The following CCSER2 variants were observed in gnomAD, a reference collection of about 807,000 sequenced individuals.
CCSER2 encodes the protein serine-rich coiled-coil domain-containing protein 2.
CCSER2 carries 46 observed loss-of-function variants against 92.3 expected under a neutral mutation model. The observed-to-expected ratio is 0.50, with a 90% CI of 0.39 to 0.64. The LOEUF (loss-of-function observed/expected upper bound fraction) is 0.64, where lower values mean the gene tolerates loss of function less well. Ranked by LOEUF, CCSER2 falls within the 30% of genes least tolerant of loss-of-function variation. The pLI, the probability that CCSER2 is intolerant of heterozygous loss-of-function variation, is 0.00. For synonymous variants in CCSER2, 433 were observed against 431.4 expected, an observed-to-expected ratio of 1.00 and a Z score of -0.04; for missense variants, 1,244 against 1,238.9, an observed-to-expected ratio of 1.00 and a Z score of -0.06.
chr10:84,451,263 T>TG (rs1845270892), intron 6 of CCSER2, among the ~76,000 whole-genome samples: 2 of 150,578 alleles, frequency 1.3e-5, no homozygotes, highest in East Asian at 3.9e-4. Flanking sequence ...GGTTTTTTTT[T>TG]TTTGTTTTTT....
At chr10:84,481,869 C>T (rs757110926) in intron 9 of CCSER2, among the ~76,000 whole-genome samples, 1 of 151,964 alleles carries the variant, frequency 6.6e-6, no homozygotes, top group African/African-American at 2.4e-5. Flanking sequence ...TACTCTAGAG[C>T]GGCACAGTCC....
intron 9 of CCSER2, among the ~76,000 whole-genome samples, chr10:84,488,840 A>G (rs1288193336): frequency 2.0e-5 from 3 of 152,040 alleles, no homozygotes; most frequent in Non-Finnish European, 2.9e-5. Context: ...TAGGGTGTCA[A>G]TTTTAGATCT....
intron 1 of CCSER2, among the ~76,000 whole-genome samples, chr10:84,335,629 A>G (rs140755590): frequency 7.5e-4 from 114 of 152,206 alleles, no homozygotes; most frequent in Middle Eastern, 3.4e-3. Context: ...CCCCATGTCA[A>G]GATTGCAAAA....
At chr10:84,430,111 G>T (rs977948484) in intron 5 of CCSER2, among the ~76,000 whole-genome samples, 14 of 152,038 alleles carry the variant, frequency 9.2e-5, no homozygotes, top group Admixed American at 5.2e-4. Context: ...TCCACCAGGG[G>T]GCTCTGTGTG....
chr10:84,493,837 A>C (rs1205241795), intron 9 of CCSER2, among the ~76,000 whole-genome samples: 1 of 152,224 alleles, frequency 6.6e-6, no homozygotes, highest in Non-Finnish European at 1.5e-5. Flanking sequence ...ATATATAATG[A>C]AATAATTATA....
chr10:84,383,967 T>C (rs1841054397), intron 3 of CCSER2, among the ~76,000 whole-genome samples: 1 of 152,170 alleles, frequency 6.6e-6, no homozygotes, highest in Admixed American at 6.5e-5. Flanking sequence ...ATTTTACAAC[T>C]GATGCCATGG....
At chr10:84,442,550 A>C (rs926213964) in intron 6 of CCSER2, among the ~76,000 whole-genome samples, 1 of 152,214 alleles carries the variant, frequency 6.6e-6, no homozygotes, top group Non-Finnish European at 1.5e-5. Context: ...TGATTCCTGG[A>C]TGGTAAGAAT....
chr10:84,455,800 CT>C, intron 6 of CCSER2: 1 of 1,066,730 alleles, frequency 9.4e-7, no homozygotes, highest in Non-Finnish European at 1.5e-6. Flanking sequence ...TTTTCACAGA[CT>C]TATCTGACTG....
At chr10:84,499,746 A>G (rs1245177527) in intron 9 of CCSER2, 1 of 761,912 alleles carries the variant, frequency 1.3e-6, no homozygotes, top group African/African-American at 1.7e-5. Flanking sequence ...TTTTAAAAAA[A>G]TGAAATCTGT....
chr10:84,328,707 G>T lies in CCSER2; in HGVS notation c.-141G>T, dbSNP rs1487420642. ...CTCGGGCGGCGGGGCTGGCGGGGAT[G>T]TGACGGGCGGCCCTTCGTCTCACCT... On this transcript the variant is annotated 5_prime_UTR_variant, in exon 1 of 10. The change abolishes an upstream ATG in the 5' untranslated region. Coordinates refer to ENST00000372088, the MANE Select transcript of CCSER2 (RefSeq NM_001284240.2). 2.6e-5 allele frequency: 4 copies of T among 151,212 alleles called. No homozygotes were observed. The highest frequency in any genetic ancestry group is 5.9e-5 in the Non-Finnish European group (4 of 67,448). 9.4% of individuals were successfully genotyped at this position (151,212 alleles called of 1,614,324 possible). A position where few individuals can be genotyped will look rare whatever the true frequency, so the allele number is the denominator to read the frequency against.
chr10:84,337,173 A>G (rs1226450440), intron 1 of CCSER2, among the ~76,000 whole-genome samples: 1 of 152,240 alleles, frequency 6.6e-6, no homozygotes, highest in Non-Finnish European at 1.5e-5. Flanking sequence ...GAGAGATAGT[A>G]TGTAATGCCT....
chr10:84,418,247 A>G (rs1842973012), intron 4 of CCSER2, among the ~76,000 whole-genome samples: 2 of 152,354 alleles, frequency 1.3e-5, no homozygotes, highest in South Asian at 4.1e-4. Context: ...TAAATATTTT[A>G]TAGAGATTAA....
chr10:84,352,799 C>CT lies in CCSER2; in HGVS notation c.-39-18204dup, dbSNP rs561119480. Among the ~76,000 whole-genome samples the CT allele has an allele frequency of 2.3e-3, 333 of 144,660 alleles. 3 individuals carry two copies. The highest frequency in any genetic ancestry group is 0.019 in the South Asian group (87 of 4,466). 94.9% of individuals were successfully genotyped at this position (144,660 alleles called of 152,430 possible). A position where few individuals can be genotyped will look rare whatever the true frequency, so the allele number is the denominator to read the frequency against. On this transcript the variant is annotated intron_variant, in intron 1 of 9. Coordinates refer to ENST00000372088, the MANE Select transcript of CCSER2 (RefSeq NM_001284240.2). ...AGGTTAAGGTTAAGATGCGATAATT[C>CT]TTTTTTTTTTTGGAGACAGAGTCTC...
chr10:84,454,048 A>G (rs959734510), intron 6 of CCSER2, among the ~76,000 whole-genome samples: 2 of 152,166 alleles, frequency 1.3e-5, no homozygotes, highest in Admixed American at 6.6e-5. Flanking sequence ...GCTTACATCA[A>G]TAGAAGTTTA....
chr10:84,491,688 C>G (rs555165246), intron 9 of CCSER2, among the ~76,000 whole-genome samples: 1 of 152,122 alleles, frequency 6.6e-6, no homozygotes, highest in African/African-American at 2.4e-5. Context: ...TTGTGCTTCC[C>G]GGGTGAGGGG....
At chr10:84,499,888 C>A in intron 9 of CCSER2, 2 of 1,613,958 alleles carry the variant, frequency 1.2e-6, no homozygotes, top group Non-Finnish European at 1.7e-6. Context: ...GGGTATTCTG[C>A]TCCCTCCTTC....
chr10:84,513,832 T>A lies in CCSER2; in HGVS notation c.2709T>A (p.Val903=). 6.5e-7 allele frequency: 1 copy of A among 1,536,266 alleles called. No individual in the cohort carries two copies. Among genetic ancestry groups the A allele is most frequent in the Non-Finnish European group, 8.7e-7 (1 of 1,146,932 alleles). ...ESSTVDQAKR[V]GRNQSPPVGY... is the part of the protein sequence containing the mutation. ...GTACAGTAGACCAGGCTAAGAGAGTTGGAAGAAATCAGTCTCCGCCAGTGG... is the reference window on the plus strand; with the variant it reads ...GTACAGTAGACCAGGCTAAGAGAGTAGGAAGAAATCAGTCTCCGCCAGTGG... The change falls in exon 10 of 10, where the codon GTT becomes GTA. Residue 903 remains valine, a synonymous_variant. Coordinates refer to ENST00000372088, the MANE Select transcript of CCSER2 (RefSeq NM_001284240.2).
intron 9 of CCSER2, among the ~76,000 whole-genome samples, chr10:84,501,834 A>AATATATATATAT (rs1554868293): frequency 8.7e-4 from 35 of 40,058 alleles, no homozygotes; most frequent in Non-Finnish European, 2.1e-3. Flanking sequence ...AAAAAAAAAA[A>AATATATATATAT]ATATATATAT....
chr10:84,425,736 T>C lies in CCSER2; in HGVS notation c.1711T>C (p.Cys571Arg). Reference sequence around the variant, plus strand: ...TTGCTTTTGAATCTGTCTAGTGGAGTGTGACAATATGAACCGCTTTGACCG... The same window carrying C: ...TTGCTTTTGAATCTGTCTAGTGGAGCGTGACAATATGAACCGCTTTGACCG... ...PEDAPLENVE[C>R]DNMNRFDRPD... is the part of the protein sequence containing the mutation. Residue 571 changes from cysteine (C) to arginine (R), a missense_variant, in exon 5 of 10, where the codon TGT (cysteine) becomes CGT (arginine). Cys to Arg is a radical substitution (Grantham distance 180, BLOSUM62 -3). Transcript: ENST00000372088. 6.2e-7 allele frequency: 1 copy of C among 1,607,652 alleles called. No individual in the cohort carries two copies. The highest frequency in any genetic ancestry group is 1.1e-5 in the South Asian group (1 of 90,152).
Sources: allele counts gnomAD v4.1 joint callset (sites outside exome capture counted in the v4.1 genomes callset), GRCh38; gene constraint gnomAD v4.1.1; transcripts MANE v1.5; gene names NCBI Gene and HGNC (gene_info 2026-07-23, HGNC 2026-07-21).